The following ATP2C2 variants were observed in gnomAD, a reference collection of about 807,000 sequenced individuals.
ATP2C2 encodes calcium-transporting ATPase type 2C member 2.
A neutral mutation model predicts 110.8 loss-of-function variants in ATP2C2; 171 were observed. That is an observed-to-expected ratio of 1.54 (90% CI 1.36 to 1.75). ATP2C2 has a LOEUF of 1.75. ATP2C2 is among the 40% of genes most tolerant of loss of function. The pLI is 0.00. For missense variants in ATP2C2, 1,963 were observed against 1,235.0 expected, an observed-to-expected ratio of 1.59 and a Z score of -8.84; for synonymous variants, 804 against 508.4, an observed-to-expected ratio of 1.58 and a Z score of -7.82.
chr16:84,439,296 G>A lies in ATP2C2; in HGVS notation c.1111+6G>A, dbSNP rs1909024244. ...ACCCATCGTGGAGACTTTAGGTGAG[G>A]GACTCCAGCTGGTGGAATCCTTACA... On this transcript the variant is annotated splice_donor_region_variant and intron_variant, in intron 12 of 26. Coordinates refer to ENST00000262429, the MANE Select transcript of ATP2C2 (RefSeq NM_014861.4). 1.9e-6 allele frequency: 3 copies of A among 1,613,072 alleles called. No individual in the cohort carries two copies. Among genetic ancestry groups the A allele is most frequent in the Admixed American group, 1.7e-5 (1 of 60,000 alleles).
At chr16:84,406,512 C>T in intron 3 of ATP2C2, 3 of 867,960 alleles carry the variant, frequency 3.5e-6, no homozygotes, top group Non-Finnish European at 4.1e-6. Flanking sequence ...TTGGTCGATT[C>T]CGGAACCAAT....
intron 6 of ATP2C2, among the ~76,000 whole-genome samples, chr16:84,412,345 T>TGCGTGC (rs1348583695): frequency 1.8e-5 from 2 of 109,994 alleles, no homozygotes; most frequent in Non-Finnish European, 2.1e-5. Context: ...TGTATGCGTG[T>TGCGTGC]GTCTGCGTGC....
At chr16:84,380,234 C>T (rs1012780165) in intron 1 of ATP2C2, among the ~76,000 whole-genome samples, 1 of 152,156 alleles carries the variant, frequency 6.6e-6, no homozygotes, top group African/African-American at 2.4e-5. Flanking sequence ...CTACCCCCTC[C>T]CCCAGATATC....
chr16:84,433,761 A>G (rs1456696551), intron 11 of ATP2C2, among the ~76,000 whole-genome samples: 1 of 152,196 alleles, frequency 6.6e-6, no homozygotes, highest in African/African-American at 2.4e-5. Flanking sequence ...GAGAAGCTTC[A>G]TGAGGCAAGA....
intron 2 of ATP2C2, among the ~76,000 whole-genome samples, chr16:84,402,093 G>A (rs942640508): frequency 6.6e-6 from 1 of 151,404 alleles, no homozygotes; most frequent in African/African-American, 2.4e-5. Flanking sequence ...GTGGTAAATG[G>A]GATTACTTAA....
intron 25 of ATP2C2, 49 bp from the exon 26 acceptor site, chr16:84,461,939 C>T (rs757275381): frequency 1.2e-6 from 2 of 1,608,380 alleles, no homozygotes; most frequent in Admixed American, 1.7e-5. Context: ...CCTGCCTGTA[C>T]CTGGGGTGTG....
At position 84,448,559 on chromosome 16, in the gene ATP2C2, A is replaced by T; in HGVS notation, c.1530A>T (p.Lys510Asn). Residue 510 changes from lysine to asparagine, a missense_variant, in exon 17 of 27, where the codon AAA becomes AAT. Lys to Asn is a moderately conservative substitution (Grantham distance 94). Transcript: ENST00000262429. ...TEDQEDIYFMKGALEEVIRYC... is the reference protein window; with the variant it reads ...TEDQEDIYFMNGALEEVIRYC... ...ATCAGGAAGACATTTACTTCATGAA[A>T]GGGGCCTTGGAAGAGGTGATCCGCT... The T allele has an allele frequency of 6.2e-7, 1 of 1,612,524 alleles. No homozygotes were observed. The highest frequency in any genetic ancestry group is 8.5e-7 in the Non-Finnish European group (1 of 1,179,142).
At chr16:84,368,827 C>A in intron 1 of ATP2C2, 113 bp downstream of exon 1, 1 of 893,072 alleles carries the variant, frequency 1.1e-6, no homozygotes, top group Non-Finnish European at 1.7e-6. Flanking sequence ...AACTCGCCCT[C>A]CTCCCCTGGC....
rs987296502 is a variant in ATP2C2 at position 84,463,945 on chromosome 16, G to C, written c.*213G>C. ...GTTCCCGCTGGCTGTGGGACAGACA[G>C]GGAGGGGCCTGTACAGAAACACCAC... On this transcript the variant is annotated 3_prime_UTR_variant, in exon 27 of 27. Coordinates refer to ENST00000262429, the MANE Select transcript of ATP2C2 (RefSeq NM_014861.4). 6 of 555,068 alleles carry C rather than the reference G, an allele frequency of 1.1e-5. No individual in the cohort carries two copies. The highest frequency in any genetic ancestry group is 6.9e-5 in the South Asian group (3 of 43,746). The allele number at this position is 555,068 out of a possible 1,614,324, so 34.4% of individuals were successfully genotyped here.
Position 84,454,841 on chromosome 16 carries a change from C to T in ATP2C2, c.2004C>T (p.Ile668=), listed in dbSNP as rs543129889. 11 of 1,611,242 alleles carry T rather than the reference C, an allele frequency of 6.8e-6. No individual in the cohort carries two copies. The highest frequency in any genetic ancestry group is 3.3e-5 in the South Asian group (3 of 90,820). ...IIKALQESGA[I]VAMTGDGVND... ...AGGCTCTGCAGGAGTCAGGGGCGATCGTGGCCATGACTGGGGATGGGGTGA... is the reference window on the plus strand; with the variant it reads ...AGGCTCTGCAGGAGTCAGGGGCGATTGTGGCCATGACTGGGGATGGGGTGA... Residue 668 remains isoleucine, a synonymous_variant, in exon 21 of 27, where the codon ATC becomes ATT. Transcript: ENST00000262429.
intron 2 of ATP2C2, among the ~76,000 whole-genome samples, chr16:84,401,116 T>C (rs944295663): frequency 9.9e-5 from 15 of 152,210 alleles, no homozygotes; most frequent in Admixed American, 9.8e-4. Flanking sequence ...CCTGTGCTTG[T>C]AGTATATTAC....
chr16:84,402,873 G>C (rs760243107), intron 2 of ATP2C2, among the ~76,000 whole-genome samples: 6 of 152,078 alleles, frequency 3.9e-5, no homozygotes, highest in South Asian at 2.1e-4. Flanking sequence ...TCGCTTCTTC[G>C]AGTGTTTGGT....
chr16:84,412,506 G>C (rs1025780920), intron 6 of ATP2C2, among the ~76,000 whole-genome samples: 1 of 122,606 alleles, frequency 8.2e-6, no homozygotes, highest in Non-Finnish European at 1.7e-5. Flanking sequence ...GTGTATATGT[G>C]TCTGTGTGTG....
chr16:84,447,745 A>G (rs1909883426), intron 16 of ATP2C2, among the ~76,000 whole-genome samples: 1 of 140,660 alleles, frequency 7.1e-6, no homozygotes, highest in South Asian at 2.1e-4. Context: ...AGTTATATAT[A>G]ATATATAATA....
chr16:84,421,468 C>G (rs1038661911), intron 7 of ATP2C2, among the ~76,000 whole-genome samples: 3 of 152,180 alleles, frequency 2.0e-5, no homozygotes, highest in Non-Finnish European at 2.9e-5. Context: ...AATCATTGAT[C>G]TAGCTGTGGT....
At chr16:84,447,503 G>C (rs1026750008) in intron 16 of ATP2C2, among the ~76,000 whole-genome samples, 1 of 151,424 alleles carries the variant, frequency 6.6e-6, no homozygotes, top group Non-Finnish European at 1.5e-5. Flanking sequence ...ATATGCAAAC[G>C]ACAACATCTG....
intron 15 of ATP2C2, among the ~76,000 whole-genome samples, chr16:84,444,177 A>AC (rs966190148): frequency 6.6e-6 from 1 of 150,910 alleles, no homozygotes; most frequent in Non-Finnish European, 1.5e-5. Context: ...AAAAAAAAAA[A>AC]AAAAAAACAA....
chr16:84,412,035 G>T (rs988417487), intron 6 of ATP2C2, among the ~76,000 whole-genome samples: 4 of 147,810 alleles, frequency 2.7e-5, no homozygotes, highest in Admixed American at 1.4e-4. Flanking sequence ...GTTGAGACAG[G>T]GTCTGGCTCT....
intron 1 of ATP2C2, among the ~76,000 whole-genome samples, chr16:84,371,169 G>A (rs926067239): frequency 6.6e-6 from 1 of 152,126 alleles, no homozygotes; most frequent in African/African-American, 2.4e-5. Context: ...AACTGGAGAC[G>A]ACCCCATGTT....
Sources: allele counts gnomAD v4.1 joint callset (sites outside exome capture counted in the v4.1 genomes callset), GRCh38; gene constraint gnomAD v4.1.1; transcripts MANE v1.5; gene names NCBI Gene and HGNC (gene_info 2026-07-23, HGNC 2026-07-21).